ENTREP2: variants seen among roughly 807,000 people sequenced by gnomAD.
ENTREP2 encodes protein ENTREP2.
the ENTREP2 span, among the ~76,000 whole-genome samples, chr15:29,501,943 A>C: frequency 1.3e-5 from 2 of 152,008 alleles, no homozygotes; most frequent in Non-Finnish European, 2.9e-5. Context: ...AAAGAATAAA[A>C]TATTCAGAAA....
At chr15:29,261,980 G>A in the ENTREP2 span, among the ~76,000 whole-genome samples, 5,367 of 142,954 alleles carry the variant, frequency 0.038, 323 homozygotes, top group African/African-American at 0.13. Flanking sequence ...GAAACATAAA[G>A]TAATTAAATC....
At chr15:29,352,723 C>T in the ENTREP2 span, among the ~76,000 whole-genome samples, 1 of 152,188 alleles carries the variant, frequency 6.6e-6, no homozygotes, top group Non-Finnish European at 1.5e-5. Flanking sequence ...TGTTTGCCAG[C>T]CAAACCGATA....
chr15:29,570,653 T>G, the ENTREP2 span: 1 of 1,337,712 alleles, frequency 7.5e-7, no homozygotes. Flanking sequence ...GCCCGGGCAC[T>G]CGCGCAGGCG....
chr15:29,404,127 G>A, the ENTREP2 span, among the ~76,000 whole-genome samples: 2 of 152,096 alleles, frequency 1.3e-5, no homozygotes, highest in Non-Finnish European at 2.9e-5. Flanking sequence ...AAGGGGGCAC[G>A]AGGCTGGATT....
the ENTREP2 span, among the ~76,000 whole-genome samples, chr15:29,581,971 T>G: frequency 1.3e-5 from 2 of 151,662 alleles, no homozygotes; most frequent in East Asian, 3.9e-4. Flanking sequence ...AGATAGAGGC[T>G]TGCTCTGTTG....
chr15:29,389,413 C>G, the ENTREP2 span, among the ~76,000 whole-genome samples: 1 of 151,986 alleles, frequency 6.6e-6, no homozygotes, highest in East Asian at 1.9e-4. Flanking sequence ...AGGCTTCCCT[C>G]CCCACACCCC....
chr15:29,659,201 T>C, the ENTREP2 span, among the ~76,000 whole-genome samples: 1 of 152,182 alleles, frequency 6.6e-6, no homozygotes, highest in African/African-American at 2.4e-5. Context: ...CTGGGCACAG[T>C]GGCTCATGCC....
the ENTREP2 span, among the ~76,000 whole-genome samples, chr15:29,243,330 T>C: frequency 6.6e-6 from 1 of 152,036 alleles, no homozygotes; most frequent in Admixed American, 6.6e-5. Context: ...ACGTTAGAAA[T>C]TAACAGTAAA....
At chr15:29,257,477 A>ATATC in the ENTREP2 span, among the ~76,000 whole-genome samples, 1 of 152,180 alleles carries the variant, frequency 6.6e-6, no homozygotes, top group Non-Finnish European at 1.5e-5. Flanking sequence ...CCTTGTTCAT[A>ATATC]TATCTTTTTA....
the ENTREP2 span, among the ~76,000 whole-genome samples, chr15:29,424,510 G>A: frequency 6.6e-6 from 1 of 152,104 alleles, no homozygotes; most frequent in Non-Finnish European, 1.5e-5. Flanking sequence ...TATTGCTATT[G>A]ACTCTATTCT....
At chr15:29,174,662 C>A in the ENTREP2 span, among the ~76,000 whole-genome samples, 1 of 149,936 alleles carries the variant, frequency 6.7e-6, no homozygotes, top group Middle Eastern at 3.2e-3. Context: ...TGCGCTCTAG[C>A]CTGGGCGACA....
At chr15:29,387,921 G>C in the ENTREP2 span, among the ~76,000 whole-genome samples, 4 of 152,198 alleles carry the variant, frequency 2.6e-5, no homozygotes, top group African/African-American at 9.6e-5. Flanking sequence ...GCCATACGTA[G>C]AAAGCTGAAA....
At chr15:29,171,252 A>G in the ENTREP2 span, among the ~76,000 whole-genome samples, 3 of 152,330 alleles carry the variant, frequency 2.0e-5, no homozygotes, top group East Asian at 5.8e-4. Flanking sequence ...TGATTAAGAC[A>G]GTGGGCTTTT....
chr15:29,447,296 G>A, the ENTREP2 span, among the ~76,000 whole-genome samples: 4 of 152,284 alleles, frequency 2.6e-5, no homozygotes, highest in African/African-American at 9.6e-5. Flanking sequence ...TCTGGGATTA[G>A]ATGAGAACAG....
the ENTREP2 span, among the ~76,000 whole-genome samples, chr15:29,342,519 G>C: frequency 8.5e-5 from 13 of 152,258 alleles, no homozygotes; most frequent in South Asian, 2.7e-3. Flanking sequence ...CTGAGTCAAA[G>C]CGTGAATTAA....
At chr15:29,667,013 T>A in the ENTREP2 span, among the ~76,000 whole-genome samples, 1 of 152,140 alleles carries the variant, frequency 6.6e-6, no homozygotes, top group Non-Finnish European at 1.5e-5. Context: ...GCACTCCCAC[T>A]ATGCCTGTGA....
the ENTREP2 span, among the ~76,000 whole-genome samples, chr15:29,179,606 A>G: frequency 7.2e-6 from 1 of 138,532 alleles, no homozygotes; most frequent in East Asian, 2.3e-4. Flanking sequence ...TTTGAGACGG[A>G]GTCTCGCTCT....
At chr15:29,214,186 T>G in the ENTREP2 span, among the ~76,000 whole-genome samples, 2 of 152,206 alleles carry the variant, frequency 1.3e-5, no homozygotes, top group Non-Finnish European at 2.9e-5. Flanking sequence ...ATCCCATTAC[T>G]GGGTATATAC....
chr15:29,126,337 C>T, the ENTREP2 span: 1 of 1,533,170 alleles, frequency 6.5e-7, no homozygotes, highest in Non-Finnish European at 8.8e-7. Flanking sequence ...CTGGCTGCAC[C>T]TGTGAGCCCA....
Sources: allele counts gnomAD v4.1 joint callset (sites outside exome capture counted in the v4.1 genomes callset), GRCh38; gene constraint gnomAD v4.1.1; transcripts MANE v1.5; gene names NCBI Gene and HGNC (gene_info 2026-07-23, HGNC 2026-07-21).